The following OSBPL10 variants were observed in gnomAD, a reference collection of about 807,000 sequenced individuals.
OSBPL10 encodes oxysterol-binding protein-related protein 10.
OSBPL10 carries 49 observed loss-of-function variants against 81.7 expected under a neutral mutation model. That is an observed-to-expected ratio of 0.60 (90% CI 0.48 to 0.76). The LOEUF (loss-of-function observed/expected upper bound fraction) is 0.76. OSBPL10 is among the 30% of genes least tolerant of loss of function. OSBPL10 has a pLI of 0.00. For missense variants in OSBPL10, 923 were observed against 987.8 expected (o/e 0.93, Z 0.88); for synonymous variants, 419 against 383.6 (o/e 1.09, Z -1.08).
intron 1 of OSBPL10, among the ~76,000 whole-genome samples, chr3:32,048,134 C>T (rs544919616): frequency 4.9e-4 from 74 of 152,148 alleles, no homozygotes; most frequent in Non-Finnish European, 9.3e-4. Flanking sequence ...TCTGACAACC[C>T]CACATCTCTT....
intron 4 of OSBPL10, among the ~76,000 whole-genome samples, chr3:31,811,848 T>C (rs1267915435): frequency 6.6e-6 from 1 of 152,130 alleles, no homozygotes; most frequent in African/African-American, 2.4e-5. Flanking sequence ...TGTGGACAAA[T>C]GGCCCATAGG....
intron 2 of OSBPL10, among the ~76,000 whole-genome samples, chr3:32,015,349 G>T (rs1049617279): frequency 5.9e-5 from 9 of 152,164 alleles, no homozygotes; most frequent in Non-Finnish European, 1.2e-4. Context: ...ATGGGGAAAT[G>T]ATTCCCTATT....
At chr3:31,731,446 T>C (rs1459207398) in intron 6 of OSBPL10, among the ~76,000 whole-genome samples, 1 of 152,100 alleles carries the variant, frequency 6.6e-6, no homozygotes, top group Admixed American at 6.6e-5. Context: ...TTCTTCAGGA[T>C]GTATTTTTTT....
intron 3 of OSBPL10, among the ~76,000 whole-genome samples, chr3:31,850,688 T>C (rs1407110632): frequency 6.6e-6 from 1 of 152,234 alleles, no homozygotes; most frequent in Non-Finnish European, 1.5e-5. Flanking sequence ...CTGGCAATTA[T>C]ACTATTCGTC....
intron 1 of OSBPL10, among the ~76,000 whole-genome samples, chr3:31,926,436 T>C (rs898286314): frequency 2.6e-5 from 4 of 152,128 alleles, no homozygotes; most frequent in African/African-American, 9.7e-5. Context: ...CAAAGAATTA[T>C]CTAGCCCCAA....
rs751539558 is a variant in OSBPL10, at chr3:31,662,059, C to T, written c.*13G>A. ...AACAGGGCTATACTGGAAAGCTCTGCACCTCCACCCCATCAGTGTGCTTTC... is the reference window on the plus strand; with the variant it reads ...AACAGGGCTATACTGGAAAGCTCTGTACCTCCACCCCATCAGTGTGCTTTC... On this transcript the variant is annotated 3_prime_UTR_variant, in exon 12 of 12. Coordinates refer to ENST00000396556, the MANE Select transcript of OSBPL10 (RefSeq NM_017784.5). The T allele has an allele frequency of 1.2e-6, 2 of 1,613,536 alleles. No individual in the cohort carries two copies. The highest frequency in any genetic ancestry group is 3.3e-5 in the Admixed American group (2 of 59,920).
chr3:32,051,767 A>G (rs1699671698), intron 1 of OSBPL10, among the ~76,000 whole-genome samples: 1 of 152,176 alleles, frequency 6.6e-6, no homozygotes, highest in Non-Finnish European at 1.5e-5. Context: ...TACAACTACT[A>G]GATCTTCTTG....
intron 4 of OSBPL10, among the ~76,000 whole-genome samples, chr3:31,791,989 T>C (rs796395880): frequency 3.9e-5 from 6 of 152,202 alleles, no homozygotes; most frequent in African/African-American, 9.6e-5. Context: ...TTCACACCTG[T>C]AGTCCCAACA....
At chr3:31,847,562 C>A (rs145632200) in intron 3 of OSBPL10, among the ~76,000 whole-genome samples, 2 of 152,078 alleles carry the variant, frequency 1.3e-5, no homozygotes, top group African/African-American at 4.8e-5. Context: ...AACTATTCAC[C>A]GGCATTACCC....
At position 31,728,853 on chromosome 3, in the gene OSBPL10, G is replaced by A. The variant is rs115174102; in HGVS notation, c.1095+4404C>T. On this transcript the variant is annotated intron_variant, in intron 6 of 11. Coordinates refer to ENST00000396556, the MANE Select transcript of OSBPL10 (RefSeq NM_017784.5). ...TGGGAGAAAAAGTGTTTTGGATTTT[G>A]AATTTTTTTGGAAGTTGGAAGTTTT... 7.0e-3 allele frequency among the ~76,000 whole-genome samples: 1,063 copies of A among 152,252 alleles called. 11 individuals are homozygous for A. The highest frequency in any genetic ancestry group is 0.025 in the African/African-American group (1,020 of 41,542).
chr3:31,812,716 A>AAAG (rs1239795315), intron 4 of OSBPL10, among the ~76,000 whole-genome samples: 1 of 54,112 alleles, frequency 1.8e-5, no homozygotes, highest in East Asian at 2.3e-3. Context: ...AGTAGGCAAA[A>AAAG]AAAAAGAAAG....
chr3:31,753,065 G>A (rs1430255023), intron 4 of OSBPL10, among the ~76,000 whole-genome samples: 2 of 152,120 alleles, frequency 1.3e-5, no homozygotes, highest in Non-Finnish European at 2.9e-5. Context: ...CTTCAGTCTG[G>A]TGGAATTCCT....
At chr3:31,924,606 G>A (rs893042264) in intron 1 of OSBPL10, among the ~76,000 whole-genome samples, 4 of 152,200 alleles carry the variant, frequency 2.6e-5, no homozygotes, top group South Asian at 4.1e-4. Context: ...TATCTTAATC[G>A]GAGTAAAGAT....
intron 2 of OSBPL10, chr3:31,990,324 T>A (rs758941089): frequency 6.2e-7 from 1 of 1,613,954 alleles, no homozygotes; most frequent in African/African-American, 1.3e-5. Context: ...CCATTGCAAA[T>A]CATTGGAGAA....
intron 1 of OSBPL10, among the ~76,000 whole-genome samples, chr3:31,941,653 G>T (rs1306506490): frequency 6.6e-6 from 1 of 152,142 alleles, no homozygotes. Flanking sequence ...ATTGCTAAGA[G>T]GTAGCTTTAA....
At position 31,797,734 on chromosome 3, in the gene OSBPL10, C is replaced by T. The variant is rs963242101; in HGVS notation, c.729+32306G>A. 50 of 442,522 alleles carry T rather than the reference C, an allele frequency of 1.1e-4. No individual in the cohort carries two copies. The Middle Eastern group carries it at 2.0e-3, about 18-fold the overall frequency. The allele number at this position is 442,522 out of a possible 1,614,324, so 27.4% of individuals were successfully genotyped here. The stretch of plus-strand genomic sequence containing the variant: ...GATATAAGTCACAGTCACTTTTTGC[C>T]ATGTCCACAATACAATGTACCAGAA... On this transcript the variant is annotated intron_variant, in intron 4 of 11. Transcript: ENST00000396556.
intron 3 of OSBPL10, among the ~76,000 whole-genome samples, chr3:31,857,031 G>A (rs1283211542): frequency 1.3e-5 from 2 of 152,162 alleles, no homozygotes; most frequent in Non-Finnish European, 2.9e-5. Context: ...ACTCCAGCCT[G>A]GGCAACAGAG....
chr3:32,015,538 A>G (rs1251488916), intron 2 of OSBPL10, among the ~76,000 whole-genome samples: 2 of 152,196 alleles, frequency 1.3e-5, no homozygotes, highest in African/African-American at 2.4e-5. Flanking sequence ...ACATAGGCAT[A>G]GGCAAGGACT....
At chr3:31,847,210 T>TAAA (rs1559490091) in intron 3 of OSBPL10, among the ~76,000 whole-genome samples, 23 of 106,028 alleles carry the variant, frequency 2.2e-4, no homozygotes, top group African/African-American at 7.2e-4. Flanking sequence ...TTTTTTTTTT[T>TAAA]TAAAAAGACA....
Sources: gnomAD v4.1 joint callset for allele counts (sites outside exome capture counted in the v4.1 genomes callset) on GRCh38, gnomAD v4.1.1 for gene constraint, MANE v1.5 for transcripts, NCBI Gene and HGNC (gene_info 2026-07-23, HGNC 2026-07-21) for gene names.